Variants in PDE4D observed in about 807,000 individuals in gnomAD.
PDE4D encodes phosphodiesterase 4D.
A neutral mutation model predicts 87.4 loss-of-function variants in PDE4D; 24 were observed. That is an observed-to-expected ratio of 0.27 (90% CI 0.20 to 0.39). The LOEUF is 0.39. Among genes scored for constraint, PDE4D ranks in the 10% least tolerant of loss-of-function variants. The pLI, the probability that PDE4D is intolerant of heterozygous loss-of-function variation, is 1.00. For synonymous variants in PDE4D, 384 were observed against 383.2 expected (o/e 1.00, Z -0.02); for missense variants, 714 against 1,041.0 (o/e 0.69, Z 4.32).
intron 1 of PDE4D, among the ~76,000 whole-genome samples, chr5:59,788,886 G>A (rs979794202): frequency 6.6e-6 from 1 of 152,184 alleles, no homozygotes; most frequent in African/African-American, 2.4e-5. Flanking sequence ...CTTATCAAAA[G>A]CTTGTTATAG....
At chr5:59,636,656 G>A (rs1348009509) in intron 1 of PDE4D, among the ~76,000 whole-genome samples, 2 of 152,178 alleles carry the variant, frequency 1.3e-5, no homozygotes, top group African/African-American at 4.8e-5. Context: ...AATGGGGAAT[G>A]GATTCCCTAT....
At chr5:59,580,364 C>T (rs760677637) in intron 1 of PDE4D, among the ~76,000 whole-genome samples, 4 of 152,188 alleles carry the variant, frequency 2.6e-5, no homozygotes, top group African/African-American at 4.8e-5. Flanking sequence ...TATGTGAAAA[C>T]ATATGGCATG....
At chr5:59,747,908 TCTG>T (rs1201932215) in intron 1 of PDE4D, among the ~76,000 whole-genome samples, 2 of 152,172 alleles carry the variant, frequency 1.3e-5, no homozygotes, top group South Asian at 2.1e-4. Context: ...ATGTCCCCTT[TCTG>T]CTGCTTCTTT....
chr5:60,308,739 A>G (rs1167466419), intron 1 of PDE4D, among the ~76,000 whole-genome samples: 3 of 152,220 alleles, frequency 2.0e-5, no homozygotes, highest in Non-Finnish European at 4.4e-5. Context: ...TGTAGTTTTC[A>G]CAACCAGTTT....
chr5:60,461,111 A>C (rs936331232), intron 1 of PDE4D, among the ~76,000 whole-genome samples: 3 of 151,956 alleles, frequency 2.0e-5, no homozygotes, highest in Non-Finnish European at 4.4e-5. Context: ...TTAATATTAG[A>C]AGGAGAATGA....
chr5:59,988,489 C>T, exon 3 of PDE4D: 1 of 1,582,358 alleles, frequency 6.3e-7, no homozygotes, highest in African/African-American at 1.3e-5. Flanking sequence ...GGCACTCACC[C>T]ACTGGATTCT....
chr5:59,534,827 C>T (rs1204864163), intron 1 of PDE4D, among the ~76,000 whole-genome samples: 1 of 152,086 alleles, frequency 6.6e-6, no homozygotes, highest in Non-Finnish European at 1.5e-5. Context: ...GAAATTCTGG[C>T]AATTTCTAGC....
At chr5:60,267,748 G>T (rs1020561323) in intron 1 of PDE4D, among the ~76,000 whole-genome samples, 1 of 152,090 alleles carries the variant, frequency 6.6e-6, no homozygotes, top group Non-Finnish European at 1.5e-5. Context: ...GACTGTAGAG[G>T]GCTTAACAAC....
chr5:59,158,653 T>A (rs1256987571), intron 5 of PDE4D, among the ~76,000 whole-genome samples: 1 of 152,236 alleles, frequency 6.6e-6, no homozygotes, highest in East Asian at 1.9e-4. Context: ...TGCATTTTTT[T>A]ATAATAATAA....
At chr5:60,041,540 T>A (rs1187127321) in intron 2 of PDE4D, among the ~76,000 whole-genome samples, 1 of 152,200 alleles carries the variant, frequency 6.6e-6, no homozygotes, top group Non-Finnish European at 1.5e-5. Context: ...AGCTCCGGTC[T>A]GCAGCTCCCA....
In PDE4D at chr5:59,789,105, T is replaced by G. The variant is rs143370088; in HGVS notation, c.455+104063A>C. Reference sequence around the variant, plus strand: ...CGTTTTATAGGAACAGAGATACTGATGAATTCAGAAATATTTTATGAGAGA... The same window carrying G: ...CGTTTTATAGGAACAGAGATACTGAGGAATTCAGAAATATTTTATGAGAGA... On this transcript the variant is annotated intron_variant, in intron 1 of 14. Transcript: ENST00000340635. Among the ~76,000 whole-genome samples the G allele has an allele frequency of 7.5e-3, 1,136 of 152,284 alleles. 13 individuals carry two copies. Among genetic ancestry groups the G allele is most frequent in the Non-Finnish European group, 0.012 (849 of 68,020 alleles).
chr5:60,209,984 AT>A (rs1412406591), intron 1 of PDE4D, among the ~76,000 whole-genome samples: 1 of 152,210 alleles, frequency 6.6e-6, no homozygotes, highest in African/African-American at 2.4e-5. Context: ...GGCAAAATAC[AT>A]TGAAAAGAAA....
chr5:60,048,600 G>T (rs1252218100), intron 2 of PDE4D, among the ~76,000 whole-genome samples: 2 of 151,568 alleles, frequency 1.3e-5, no homozygotes, highest in Admixed American at 6.6e-5. Flanking sequence ...GTCTGTAAAG[G>T]ATTTTATTTC....
intron 5 of PDE4D, among the ~76,000 whole-genome samples, chr5:59,091,784 T>C (rs1768789719): frequency 1.3e-5 from 2 of 152,118 alleles, no homozygotes; most frequent in African/African-American, 2.4e-5. Context: ...TTACATACTT[T>C]CTTAAATTTT....
At chr5:59,660,161 CCTGG>C (rs1188019940) in intron 1 of PDE4D, among the ~76,000 whole-genome samples, 1 of 151,904 alleles carries the variant, frequency 6.6e-6, no homozygotes, top group Non-Finnish European at 1.5e-5. Flanking sequence ...TGCACTCCAG[CCTGG>C]GCAACAGAGT....
intron 1 of PDE4D, among the ~76,000 whole-genome samples, chr5:60,428,127 T>C (rs2150106350): frequency 6.6e-6 from 1 of 152,242 alleles, no homozygotes; most frequent in Admixed American, 6.5e-5. Flanking sequence ...AAATAAAATG[T>C]TGTAAGTTTA....
intron 3 of PDE4D, among the ~76,000 whole-genome samples, chr5:59,963,014 C>T (rs181805814): frequency 1.2e-3 from 177 of 152,220 alleles, no homozygotes; most frequent in African/African-American, 3.7e-3. Flanking sequence ...GAGAGGAGAA[C>T]GTGAACACAG....
intron 5 of PDE4D, among the ~76,000 whole-genome samples, chr5:59,081,187 T>G (rs1416334266): frequency 2.0e-5 from 3 of 152,260 alleles, no homozygotes; most frequent in African/African-American, 7.2e-5. Flanking sequence ...TTATTTTTAT[T>G]TGAAAAATTT....
At chr5:59,260,180 G>C (rs747076966) in intron 1 of PDE4D, among the ~76,000 whole-genome samples, 1 of 151,542 alleles carries the variant, frequency 6.6e-6, no homozygotes, top group Admixed American at 6.6e-5. Flanking sequence ...GGACACTAAC[G>C]AACATAGAAA....
Sources: allele counts gnomAD v4.1 joint callset (sites outside exome capture counted in the v4.1 genomes callset), GRCh38; gene constraint gnomAD v4.1.1; transcripts MANE v1.5; gene names NCBI Gene and HGNC (gene_info 2026-07-23, HGNC 2026-07-21).